Variants in RNF43 observed in about 807,000 individuals in gnomAD.
The protein encoded by RNF43 is ring finger protein 43, also known as E3 ubiquitin-protein ligase RNF43.
Under a neutral mutation model 78.4 loss-of-function variants are expected in RNF43, and 37 were observed. The observed-to-expected ratio is 0.47, with a 90% CI of 0.36 to 0.62. The LOEUF is 0.62. Among genes scored for constraint, RNF43 ranks in the 20% least tolerant of loss-of-function variants. The probability of loss-of-function intolerance (pLI) is 0.00; values close to 1 mark genes in which losing one functional copy is unlikely to be tolerated. For missense variants in RNF43, 774 were observed against 1,007.9 expected (o/e 0.77, Z 3.14); for synonymous variants, 347 against 395.0 (o/e 0.88, Z 1.44).
At chr17:58,388,767 C>T (rs1022740627) in intron 2 of RNF43, among the ~76,000 whole-genome samples, 5 of 152,186 alleles carry the variant, frequency 3.3e-5, no homozygotes, top group Admixed American at 3.3e-4. Flanking sequence ...AAAATAGCCA[C>T]AGGATCTAGT....
intron 2 of RNF43, among the ~76,000 whole-genome samples, chr17:58,411,315 G>GC (rs1974020231): frequency 6.6e-6 from 1 of 151,916 alleles, no homozygotes; most frequent in African/African-American, 2.4e-5. Flanking sequence ...TAAAAGTCAA[G>GC]CCCCCCAAGT....
intron 1 of RNF43, chr17:58,416,374 G>A (rs1008387213): frequency 4.6e-5 from 7 of 152,168 alleles, no homozygotes; most frequent in Admixed American, 3.3e-4. Context: ...GGATAATCCT[G>A]AGCATCACAA....
chr17:58,384,358 T>C (rs548123319), intron 2 of RNF43, among the ~76,000 whole-genome samples: 1 of 152,178 alleles, frequency 6.6e-6, no homozygotes, highest in East Asian at 1.9e-4. Flanking sequence ...AATTCCTGGG[T>C]TGAGAGTTCA....
chr17:58,404,020 C>T (rs1973856546), intron 2 of RNF43, among the ~76,000 whole-genome samples: 1 of 152,140 alleles, frequency 6.6e-6, no homozygotes, highest in African/African-American at 2.4e-5. Flanking sequence ...AATAAGGGTC[C>T]TCAATCTACT....
At chr17:58,363,126 C>T (rs905060773) in intron 5 of RNF43, 149 bp downstream of exon 5, 1 of 974,610 alleles carries the variant, frequency 1.0e-6, no homozygotes, top group Non-Finnish European at 1.5e-6. Context: ...GAAAACTTGC[C>T]CAGAGGCACA....
intron 2 of RNF43, among the ~76,000 whole-genome samples, chr17:58,414,602 C>T (rs1377713256): frequency 6.6e-6 from 1 of 152,114 alleles, no homozygotes; most frequent in Non-Finnish European, 1.5e-5. Flanking sequence ...AAAGAATAGG[C>T]CATGTATGAA....
chr17:58,365,013 C>A (rs770089454), intron 3 of RNF43, among the ~76,000 whole-genome samples: 30 of 152,238 alleles, frequency 2.0e-4, no homozygotes, highest in Middle Eastern at 3.2e-3. Context: ...AGGTAACTTT[C>A]CTTCCTCCCC....
chr17:58,366,007 C>T (rs1972941401), intron 3 of RNF43, among the ~76,000 whole-genome samples: 1 of 152,156 alleles, frequency 6.6e-6, no homozygotes, highest in South Asian at 2.1e-4. Flanking sequence ...TTTTCTTCTC[C>T]AGACAAGAGT....
chr17:58,367,441 G>A (rs1972981127), intron 3 of RNF43, among the ~76,000 whole-genome samples: 1 of 152,188 alleles, frequency 6.6e-6, no homozygotes, highest in African/African-American at 2.4e-5. Flanking sequence ...ATTTGCCCAG[G>A]GTCACCAACT....
intron 2 of RNF43, among the ~76,000 whole-genome samples, chr17:58,380,777 T>C (rs1245111574): frequency 6.6e-6 from 1 of 152,234 alleles, no homozygotes; most frequent in Non-Finnish European, 1.5e-5. Context: ...AATAGCTTCA[T>C]TAACATGGTT....
chr17:58,399,523 A>G (rs1183691497), intron 2 of RNF43, among the ~76,000 whole-genome samples: 1 of 152,182 alleles, frequency 6.6e-6, no homozygotes, highest in Admixed American at 6.6e-5. Context: ...TGAACTGGGG[A>G]AAGTAGTCCC....
At position 58,357,708 on chromosome 17, in the gene RNF43, A is replaced by G. The variant is rs1232538694; in HGVS notation, c.2068T>C (p.Tyr690His). The G allele has an allele frequency of 1.9e-6, 3 of 1,611,812 alleles. No individual in the cohort carries two copies. The highest frequency in any genetic ancestry group is 1.7e-5 in the Admixed American group (1 of 59,826). The change falls in exon 9 of 10, where the codon TAT becomes CAT. Residue 690 changes from tyrosine (Y) to histidine (H), a missense_variant. Tyr to His is a moderately conservative substitution (Grantham distance 83). Coordinates refer to ENST00000407977, the MANE Select transcript of RNF43 (RefSeq NM_017763.6). This position sits in a 1 kb window ranked among gnomAD's most constrained non-coding sequence, Gnocchi z 4.5. ...IFPHYTPSVA[Y>H]PWSPEAHPLI... ...GGGTGTGCCTCTGGGGACCAAGGAT[A>G]TGCCACACTGGGGGTGTAATGGGGA... is the stretch of plus-strand genomic sequence containing the variant.
rs141523145 is a variant in RNF43, at chr17:58,358,811, A to T, written c.965T>A (p.Phe322Tyr). 2.0e-6 allele frequency: 3 copies of T among 1,508,222 alleles called. No homozygotes were observed. Among genetic ancestry groups the T allele is most frequent in the Non-Finnish European group, 2.7e-6 (3 of 1,130,652 alleles). The allele number at this position is 1,508,222 out of a possible 1,614,324, so 93.4% of individuals were successfully genotyped here. Residue 322 changes from phenylalanine (F) to tyrosine (Y), a missense_variant, in exon 9 of 10, where the codon TTT becomes TAT. Transcript: ENST00000407977. This position sits in a 1 kb window ranked among gnomAD's most constrained non-coding sequence, Gnocchi z 6.2. ...TCGAGAGGGTCCCAGGGACTGGGAA[A>T]ATGAATCTCCCTCTGGAAAAAAGAA... ...CMFNITEGDS[F>Y]SQSLGPSRSY...
intron 2 of RNF43, among the ~76,000 whole-genome samples, chr17:58,395,690 T>A (rs977700843): frequency 2.6e-5 from 4 of 152,212 alleles, no homozygotes; most frequent in Admixed American, 1.3e-4. Flanking sequence ...AAAGGTGGTT[T>A]CTCTAGCTAA....
rs755128667 is a variant in RNF43, at chr17:58,357,799, A to AC, written c.1976dup (p.Pro660SerfsTer87). 2.4e-5 allele frequency: 39 copies of AC among 1,612,386 alleles called. No homozygotes were observed. The highest frequency in any genetic ancestry group is 6.7e-5 in the African/African-American group (5 of 74,302). ...GAGAGCCAGGGGTGGGCTCGGAGGGACCCCCCCGCCTTTTCCTCTGTGGGT... is the reference window on the plus strand; with the variant it reads ...GAGAGCCAGGGGTGGGCTCGGAGGGACCCCCCCCGCCTTTTCCTCTGTGGGT... On this transcript the variant is annotated frameshift_variant, in exon 9 of 10. Coordinates refer to ENST00000407977, the MANE Select transcript of RNF43 (RefSeq NM_017763.6). LOFTEE classifies it high-confidence loss of function. This position sits in a 1 kb window ranked among gnomAD's most constrained non-coding sequence, Gnocchi z 4.5.
At chr17:58,393,923 GC>G (rs1973616918) in intron 2 of RNF43, among the ~76,000 whole-genome samples, 1 of 152,208 alleles carries the variant, frequency 6.6e-6, no homozygotes, top group Non-Finnish European at 1.5e-5. Flanking sequence ...AGGCGTGGTG[GC>G]GGGCACCTGT....
intron 2 of RNF43, among the ~76,000 whole-genome samples, chr17:58,374,301 T>C (rs1280020019): frequency 6.6e-6 from 1 of 152,124 alleles, no homozygotes; most frequent in East Asian, 1.9e-4. Flanking sequence ...CTAAGAAAAT[T>C]TATCTTACTA....
intron 2 of RNF43, among the ~76,000 whole-genome samples, chr17:58,407,512 T>G (rs1044406150): frequency 1.3e-5 from 2 of 152,218 alleles, no homozygotes; most frequent in Admixed American, 1.3e-4. Flanking sequence ...TTTCCAAATT[T>G]GTAAATTAAA....
chr17:58,370,669 G>A (rs1281192903), intron 3 of RNF43, among the ~76,000 whole-genome samples: 2 of 152,228 alleles, frequency 1.3e-5, no homozygotes, highest in African/African-American at 4.8e-5. Context: ...CCAAGTGATG[G>A]GAAGGAGGTG....
Sources: allele counts gnomAD v4.1 joint callset (sites outside exome capture counted in the v4.1 genomes callset), GRCh38; gene constraint gnomAD v4.1.1; non-coding constraint Gnocchi (gnomAD v3.1); transcripts MANE v1.5; gene names NCBI Gene and HGNC (gene_info 2026-07-23, HGNC 2026-07-21).